ARHGEF37: variants seen among roughly 807,000 people sequenced by gnomAD.
ARHGEF37 encodes Rho guanine nucleotide exchange factor (GEF) 37.
A neutral mutation model predicts 71.1 loss-of-function variants in ARHGEF37; 55 were observed. That is an observed-to-expected ratio of 0.77 (90% CI 0.62 to 0.97). ARHGEF37 has a LOEUF of 0.97. ARHGEF37 is among the 50% of genes least tolerant of loss of function. The probability of loss-of-function intolerance (pLI) is 0.00; values close to 1 mark genes in which losing one functional copy is unlikely to be tolerated. For synonymous variants in ARHGEF37, 327 were observed against 350.6 expected, an observed-to-expected ratio of 0.93 and a Z score of 0.75; for missense variants, 765 against 836.8, an observed-to-expected ratio of 0.91 and a Z score of 1.06.
At chr5:149,611,121 T>C (rs1416056744) in intron 4 of ARHGEF37, among the ~76,000 whole-genome samples, 3 of 152,176 alleles carry the variant, frequency 2.0e-5, no homozygotes, top group Non-Finnish European at 2.9e-5. Context: ...GTCTCATGGT[T>C]CTAAGGGCTG....
chr5:149,560,250 G>T (rs1413385519), intron 1 of ARHGEF37, among the ~76,000 whole-genome samples: 1 of 152,026 alleles, frequency 6.6e-6, no homozygotes, highest in Non-Finnish European at 1.5e-5. Flanking sequence ...CAAGTAGTTG[G>T]GATTATAAGC....
intron 6 of ARHGEF37, 99 bp from the exon 7 acceptor site, chr5:149,618,839 G>A (rs1752452168): frequency 3.1e-6 from 3 of 957,470 alleles, no homozygotes; most frequent in East Asian, 4.8e-5. Context: ...TGGTGGGCGA[G>A]TCTGTGGAAA....
chr5:149,628,954 C>T lies in ARHGEF37; in HGVS notation c.1806C>T (p.Pro602=). ...GCCCAGCTCTAGTGCCCTCTATTCC[C>T]ACCATGAACCAGGTGAGTATAGGAG... is the stretch of plus-strand genomic sequence containing the variant. The part of the protein sequence containing the change: ...EPSPALVPSI[P]TMNQVIAAYP... The change falls in exon 12 of 13, where the codon CCC becomes CCT. Residue 602 remains proline (P), a synonymous_variant. Coordinates refer to ENST00000333677, the MANE Select transcript of ARHGEF37 (RefSeq NM_001001669.3). 1.2e-6 allele frequency: 2 copies of T among 1,612,448 alleles called. No individual in the cohort carries two copies. The highest frequency in any genetic ancestry group is 1.7e-6 in the Non-Finnish European group (2 of 1,179,870).
At position 149,619,035 on chromosome 5, in the gene ARHGEF37, AT is replaced by A; in HGVS notation, c.888del (p.Leu297CysfsTer37). ...LKNNVAAYLD[N>X]LQAFLYFRPH... ...AACAACGTGGCTGCTTACCTGGACA[AT>A]CTGCAGGTGAGGACACTGCAGGGTT... On this transcript the variant is annotated frameshift_variant, in exon 7 of 13. Transcript: ENST00000333677. LOFTEE classifies it high-confidence loss of function. 6.2e-7 allele frequency: 1 copy of A among 1,613,464 alleles called. No homozygotes were observed. Among genetic ancestry groups the A allele is most frequent in the Non-Finnish European group, 8.5e-7 (1 of 1,179,430 alleles).
chr5:149,576,311 A>C (rs1031536901), intron 1 of ARHGEF37, among the ~76,000 whole-genome samples: 1 of 152,228 alleles, frequency 6.6e-6, no homozygotes, highest in Non-Finnish European at 1.5e-5. Context: ...GCTGGAAGAA[A>C]TGCAGGCTTT....
intron 1 of ARHGEF37, among the ~76,000 whole-genome samples, chr5:149,593,954 A>G (rs1418923232): frequency 6.6e-6 from 1 of 152,196 alleles, no homozygotes; most frequent in African/African-American, 2.4e-5. Context: ...GCTGAATAGT[A>G]TAGATATTTT....
At chr5:149,608,291 GTAATATGACATAT>G (rs1179485697) in intron 3 of ARHGEF37, among the ~76,000 whole-genome samples, 7 of 1,648 alleles carry the variant, frequency 4.2e-3, no homozygotes, top group Non-Finnish European at 2.3e-3. Context: ...TATTACATAT[GTAATATGACATAT>G]ATAATAAATA....
upstream of ARHGEF37, among the ~76,000 whole-genome samples, chr5:149,576,592 T>G (rs1037857897): frequency 5.3e-5 from 8 of 152,238 alleles, no homozygotes; most frequent in Non-Finnish European, 1.0e-4. Context: ...TAAATTTGTC[T>G]GTTATGTGAT....
intron 9 of ARHGEF37, 118 bp from the exon 10 acceptor site, chr5:149,623,894 T>C: frequency 7.3e-7 from 1 of 1,375,616 alleles, no homozygotes; most frequent in South Asian, 1.6e-5. Flanking sequence ...GGTCAAGGTC[T>C]CAGGACAGAG....
chr5:149,583,296 C>A (rs1415005706), intron 1 of ARHGEF37, among the ~76,000 whole-genome samples: 1 of 152,170 alleles, frequency 6.6e-6, no homozygotes. Flanking sequence ...GCCACTATGC[C>A]CGGTTAATTT....
rs546308191 is a variant in ARHGEF37, at chr5:149,609,370, T to C, written c.311-178T>C. On this transcript the variant is annotated intron_variant, in intron 3 of 12. Transcript: ENST00000333677. ...TCACTCAATCCTCAGAACAACCTTG[T>C]GAAAAGATGAAAAAAACAGAAAGTC... Among the ~76,000 whole-genome samples the C allele has an allele frequency of 2.2e-4, 34 of 152,088 alleles. No individual in the cohort carries two copies. In the South Asian group the frequency reaches 7.1e-3, roughly 32 times the overall value.
chr5:149,615,170 A>T (rs1752339622), intron 4 of ARHGEF37, among the ~76,000 whole-genome samples: 1 of 151,980 alleles, frequency 6.6e-6, no homozygotes. Context: ...CACTTTTTTT[A>T]AAAAGATGAG....
chr5:149,604,675 C>CT (rs1763859525), intron 3 of ARHGEF37, among the ~76,000 whole-genome samples: 28 of 119,362 alleles, frequency 2.3e-4, no homozygotes, highest in African/African-American at 1.0e-3. Flanking sequence ...GCAGCAACAC[C>CT]ATTTTTTTTT....
intron 1 of ARHGEF37, among the ~76,000 whole-genome samples, chr5:149,555,975 T>TA (rs528269068): frequency 1.3e-5 from 2 of 152,174 alleles, no homozygotes; most frequent in East Asian, 3.9e-4. Context: ...TTTAAAATAA[T>TA]AAAAACAAAA....
chr5:149,562,798 T>C (rs1762850270), intron 1 of ARHGEF37, among the ~76,000 whole-genome samples: 1 of 152,226 alleles, frequency 6.6e-6, no homozygotes, highest in Non-Finnish European at 1.5e-5. Flanking sequence ...CACTGTTCTA[T>C]GATGTATGTC....
chr5:149,591,420 A>G (rs1457700), intron 1 of ARHGEF37, among the ~76,000 whole-genome samples: 79,280 of 151,552 alleles, frequency 0.52, 21,498 homozygotes, highest in East Asian at 0.68. Context: ...GTCTCTCTCT[A>G]TTGCCCAGGC....
intron 3 of ARHGEF37, among the ~76,000 whole-genome samples, chr5:149,605,822 G>A (rs1029532008): frequency 6.6e-6 from 1 of 152,168 alleles, no homozygotes; most frequent in African/African-American, 2.4e-5. Flanking sequence ...CACACAGCTT[G>A]ACCAGGCAGA....
chr5:149,561,455 C>T (rs1762829514), intron 1 of ARHGEF37, among the ~76,000 whole-genome samples: 1 of 152,146 alleles, frequency 6.6e-6, no homozygotes, highest in Non-Finnish European at 1.5e-5. Context: ...GTAGTCTAAT[C>T]CTTGGCAAAG....
intron 4 of ARHGEF37, among the ~76,000 whole-genome samples, chr5:149,610,981 T>C (rs922683251): frequency 6.6e-6 from 1 of 152,264 alleles, no homozygotes; most frequent in African/African-American, 2.4e-5. Context: ...CCCTCAAATA[T>C]CTGCAGTCAC....
Sources: allele counts gnomAD v4.1 joint callset (sites outside exome capture counted in the v4.1 genomes callset), GRCh38; gene constraint gnomAD v4.1.1; transcripts MANE v1.5; gene names NCBI Gene and HGNC (gene_info 2026-07-23, HGNC 2026-07-21).